The following TTC39B variants were observed in gnomAD, a reference collection of about 807,000 sequenced individuals.
The protein encoded by TTC39B is tetratricopeptide repeat protein 39B.
A neutral mutation model predicts 96.6 loss-of-function variants in TTC39B; 92 were observed. The observed-to-expected ratio is 0.95, with a 90% CI of 0.80 to 1.13. The LOEUF is 1.13. Ranked by LOEUF, TTC39B falls within the 50% of genes most tolerant of loss-of-function variation. The pLI is 0.00. For synonymous variants in TTC39B, 367 were observed against 299.4 expected (o/e 1.23, Z -2.33); for missense variants, 955 against 809.3 (o/e 1.18, Z -2.18).
At chr9:15,215,467 G>C (rs1820461148) in intron 3 of TTC39B, among the ~76,000 whole-genome samples, 2 of 151,892 alleles carry the variant, frequency 1.3e-5, no homozygotes, top group South Asian at 2.1e-4. Flanking sequence ...TGAGGCAGGA[G>C]AATCACTTGA....
intron 1 of TTC39B, among the ~76,000 whole-genome samples, chr9:15,284,598 G>T (rs972952019): frequency 1.3e-5 from 2 of 152,110 alleles, no homozygotes; most frequent in Non-Finnish European, 2.9e-5. Context: ...GTAATCCTGG[G>T]AAAGGTGTAG....
chr9:15,189,306 CTTG>C (rs1818715475), intron 13 of TTC39B, among the ~76,000 whole-genome samples: 1 of 152,056 alleles, frequency 6.6e-6, no homozygotes, highest in Admixed American at 6.5e-5. Flanking sequence ...AATCCCTGAG[CTTG>C]TTATTTGGTA....
intron 1 of TTC39B, among the ~76,000 whole-genome samples, chr9:15,271,494 C>T (rs574815252): frequency 6.6e-6 from 1 of 152,236 alleles, no homozygotes; most frequent in African/African-American, 2.4e-5. Flanking sequence ...GATCATCAGA[C>T]ATTAGATTCT....
chr9:15,176,857 G>C (rs898441886), intron 18 of TTC39B, among the ~76,000 whole-genome samples: 8 of 152,102 alleles, frequency 5.3e-5, no homozygotes, highest in Non-Finnish European at 1.0e-4. Flanking sequence ...CTGCATTTGT[G>C]ATACAGAGAA....
At chr9:15,167,083 G>T (rs1460774466) in exon 20 of TTC39B, 1 of 108,100 alleles carries the variant, frequency 9.3e-6, no homozygotes, top group Non-Finnish European at 1.8e-5. Flanking sequence ...GTCACCTGGG[G>T]TGGAGTGCAG....
At chr9:15,192,981 A>G (rs1818946156) in intron 8 of TTC39B, among the ~76,000 whole-genome samples, 1 of 152,308 alleles carries the variant, frequency 6.6e-6, no homozygotes, top group South Asian at 2.1e-4. Flanking sequence ...GCAGGACCAC[A>G]GGCTGCCATC....
intron 2 of TTC39B, among the ~76,000 whole-genome samples, chr9:15,234,501 GC>G (rs1821669382): frequency 6.6e-6 from 1 of 151,926 alleles, no homozygotes. Context: ...GAGCCCCTCT[GC>G]CTGGCCACCA....
chr9:15,224,936 T>C (rs1389477331), intron 3 of TTC39B, among the ~76,000 whole-genome samples: 1 of 152,188 alleles, frequency 6.6e-6, no homozygotes, highest in African/African-American at 2.4e-5. Context: ...AACACACGCA[T>C]AGCTGAAATT....
intron 7 of TTC39B, among the ~76,000 whole-genome samples, chr9:15,202,195 T>C (rs774685522): frequency 4.6e-5 from 7 of 152,218 alleles, no homozygotes; most frequent in Non-Finnish European, 5.9e-5. Flanking sequence ...AATCCCAGAT[T>C]TGATTGCCAA....
chr9:15,167,022 ATATATATTTTTTT>A (rs1564299970), exon 20 of TTC39B: 1 of 9,292 alleles, frequency 1.1e-4, no homozygotes, highest in Non-Finnish European at 1.7e-4. Context: ...ATATATATAT[ATATATATTTTTTT>A]TTTTTTTTTT....
At chr9:15,303,540 T>C (rs1824666255) in intron 1 of TTC39B, among the ~76,000 whole-genome samples, 1 of 152,062 alleles carries the variant, frequency 6.6e-6, no homozygotes, top group South Asian at 2.1e-4. Context: ...CCCAGCTAAC[T>C]ATTCATATTT....
intron 19 of TTC39B, among the ~76,000 whole-genome samples, chr9:15,174,283 G>A (rs1817812536): frequency 6.6e-6 from 1 of 152,090 alleles, no homozygotes; most frequent in Admixed American, 6.5e-5. Context: ...ACACATAATA[G>A]GTGCTCAGTG....
At chr9:15,288,001 C>T (rs4741483) in intron 1 of TTC39B, among the ~76,000 whole-genome samples, 63,717 of 148,938 alleles carry the variant, frequency 0.43, 13,996 homozygotes, top group East Asian at 0.7. Flanking sequence ...AAGCTAGTAC[C>T]TTTCCTTTGT....
intron 2 of TTC39B, among the ~76,000 whole-genome samples, chr9:15,226,642 T>A (rs2131407136): frequency 6.6e-6 from 1 of 152,354 alleles, no homozygotes; most frequent in East Asian, 1.9e-4. Context: ...TGTAAAGTAC[T>A]TTATTTTTAA....
chr9:15,174,218 G>A (rs1817807702), intron 19 of TTC39B, among the ~76,000 whole-genome samples: 1 of 151,546 alleles, frequency 6.6e-6, no homozygotes, highest in Non-Finnish European at 1.5e-5. Flanking sequence ...CAGAGCAGAA[G>A]TATTGCCTGC....
exon 13 of TTC39B, chr9:15,189,626 A>T (rs1373516200): frequency 6.2e-7 from 1 of 1,614,174 alleles, no homozygotes; most frequent in Non-Finnish European, 8.5e-7. Context: ...AAACAACACG[A>T]GTGAGCCCTG....
intron 19 of TTC39B, 77 bp downstream of exon 19, chr9:15,174,942 T>C (rs964100251): frequency 1.5e-5 from 13 of 882,058 alleles, no homozygotes; most frequent in Non-Finnish European, 2.3e-5. Context: ...AAGTATATAA[T>C]GTTACTGCTG....
chr9:15,255,467 G>C (rs945932861), intron 2 of TTC39B, among the ~76,000 whole-genome samples: 1 of 152,110 alleles, frequency 6.6e-6, no homozygotes, highest in African/African-American at 2.4e-5. Context: ...AAGCAATGAA[G>C]AAGTTTGGCG....
chr9:15,263,107 C>T (rs1043260532), intron 2 of TTC39B, among the ~76,000 whole-genome samples: 2 of 152,148 alleles, frequency 1.3e-5, no homozygotes, highest in Non-Finnish European at 2.9e-5. Flanking sequence ...CCTGTGTCTC[C>T]AGCTTGCCAA....
Sources: allele counts gnomAD v4.1 joint callset (sites outside exome capture counted in the v4.1 genomes callset), GRCh38; gene constraint gnomAD v4.1.1; transcripts MANE v1.5; gene names NCBI Gene and HGNC (gene_info 2026-07-23, HGNC 2026-07-21).